Variants in SUN2 observed in about 807,000 individuals in gnomAD.
SUN2 encodes the protein SUN domain-containing protein 2.
SUN2 carries 60 observed loss-of-function variants against 100.0 expected under a neutral mutation model. That is an observed-to-expected ratio of 0.60 (90% CI 0.49 to 0.74). SUN2 has a LOEUF of 0.74. Ranked by LOEUF, SUN2 falls within the 30% of genes least tolerant of loss-of-function variation. The probability of loss-of-function intolerance (pLI) is 0.00; values close to 1 mark genes in which losing one functional copy is unlikely to be tolerated. For synonymous variants in SUN2, 367 were observed against 403.3 expected, an observed-to-expected ratio of 0.91 and a Z score of 1.08; for missense variants, 834 against 954.6, an observed-to-expected ratio of 0.87 and a Z score of 1.66.
rs1331389511 is a variant in SUN2 at position 38,755,456 on chromosome 22, AGGCGCTGCCC to A, written c.-38+297_-38+306del. On this transcript the variant is annotated intron_variant, in intron 1 of 17. Coordinates refer to ENST00000689035, the MANE Select transcript of SUN2 (RefSeq NM_015374.3). This position sits in a 1 kb window ranked among gnomAD's most constrained non-coding sequence, Gnocchi z 5.7. ...ACGGCCTGTCTGGCACAAAACCCGT[AGGCGCTGCCC>A]GGGGCCGGGTTGGGGCAGTCGGCCT... 3 of 990,372 alleles carry A rather than the reference AGGCGCTGCCC, an allele frequency of 3.0e-6. No homozygotes were observed. Among genetic ancestry groups the A allele is most frequent in the Non-Finnish European group, 3.6e-6 (3 of 832,448 alleles). 61.3% of individuals were successfully genotyped at this position (990,372 alleles called of 1,614,324 possible).
chr22:38,754,852 C>CCT, intron 1 of SUN2: 1 of 1,288,884 alleles, frequency 7.8e-7, no homozygotes. Flanking sequence ...CCCAGAGATG[C>CCT]CTCTCAGTCT....
At chr22:38,746,782 A>G (rs2092907001) in intron 7 of SUN2, among the ~76,000 whole-genome samples, 1 of 152,240 alleles carries the variant, frequency 6.6e-6, no homozygotes, top group East Asian at 1.9e-4. Context: ...CTGTAATCCC[A>G]GCACTTTGGG....
In SUN2 at chr22:38,752,614, G is replaced by T. The variant is rs1256540601; in HGVS notation, c.15C>A (p.Ser5Arg). ...CCTGGGAGTAGCGCGTGAGGCGCTG[G>T]CTTCTTCGGGACATGATGAGGTGGG... MSRR[S>R]QRLTRYSQGD... The change falls in exon 2 of 18, where the codon AGC becomes AGA. Residue 5 changes from serine (S) to arginine (R), a missense_variant. By Grantham distance (110) the Ser-to-Arg change is moderately radical. Coordinates refer to ENST00000689035, the MANE Select transcript of SUN2 (RefSeq NM_015374.3). 14 of 1,613,800 alleles carry T rather than the reference G, an allele frequency of 8.7e-6. No homozygotes were observed. The highest frequency in any genetic ancestry group is 1.2e-5 in the Non-Finnish European group (14 of 1,179,946).
At chr22:38,750,391 C>T in intron 4 of SUN2, 71 bp from the exon 5 acceptor site, 1 of 1,589,586 alleles carries the variant, frequency 6.3e-7, no homozygotes, top group South Asian at 1.1e-5. Context: ...CTTCTGTGAG[C>T]CAAGACCACA....
chr22:38,751,050 AC>A lies in SUN2; in HGVS notation c.287-16del, dbSNP rs761468714. 6 of 1,611,694 alleles carry A rather than the reference AC, an allele frequency of 3.7e-6. No homozygotes were observed. In the Admixed American group the frequency reaches 1.0e-4, roughly 27 times the overall value. Reference sequence around the variant, plus strand: ...CAGGTCCTCACCTGTGCAGGGAAGAACCAGGGGCTCTTCTGGGCCTCCAAGA... The same window carrying A: ...CAGGTCCTCACCTGTGCAGGGAAGAACAGGGGCTCTTCTGGGCCTCCAAGA... On this transcript the variant is annotated splice_polypyrimidine_tract_variant and intron_variant, in intron 3 of 17. Transcript: ENST00000689035.
chr22:38,746,102 ACAG>A (rs1297768429), intron 7 of SUN2, among the ~76,000 whole-genome samples: 4 of 152,260 alleles, frequency 2.6e-5, no homozygotes, highest in Non-Finnish European at 4.4e-5. Context: ...GATCCAGGGT[ACAG>A]CCCAGAGGAC....
rs149626068 is a variant in SUN2, at chr22:38,750,293, G to C, written c.452C>G (p.Ser151Cys). The change falls in exon 5 of 18, where the codon TCC becomes TGC. Residue 151 changes from serine to cysteine, a missense_variant. Physicochemically the swap from Ser to Cys is moderately radical, Grantham distance 112 (BLOSUM62 -1). This residue lies in a region of SUN2 where 559 missense variants were observed against 597.7 expected (regional missense o/e 0.94). Transcript: ENST00000689035. ...VGYSDVDQQS[S>C]SSRLRSAVSR... ...GACGGCGCTTCGGAGCCGCGAGCTG[G>C]AACTCTGCTGGTCCACATCCGAGTA... 23 of 1,613,852 alleles carry C rather than the reference G, an allele frequency of 1.4e-5. No homozygotes were observed. The highest frequency in any genetic ancestry group is 1.9e-5 in the Non-Finnish European group (22 of 1,180,012).
Position 38,752,425 on chromosome 22 carries a change from A to G in SUN2, c.122+82T>C, listed in dbSNP as rs191165007. 2.0e-4 allele frequency: 300 copies of G among 1,498,978 alleles called. No individual in the cohort carries two copies. In the African/African-American group the frequency reaches 3.4e-3, roughly 17 times the overall value. 92.9% of individuals were successfully genotyped at this position (1,498,978 alleles called of 1,614,324 possible). A position where few individuals can be genotyped will look rare whatever the true frequency, so the allele number is the denominator to read the frequency against. On this transcript the variant is annotated intron_variant, in intron 2 of 17. Transcript: ENST00000689035. ...AAGGTTGCAACAAGAAGGCAGGGGG[A>G]TGGCTGGACCACAGGGCGTGCGGGC...
rs1350369111 is a variant in SUN2, at chr22:38,755,125, CTCCA to C, written c.-38+634_-38+637del. On this transcript the variant is annotated intron_variant, in intron 1 of 17. Coordinates refer to ENST00000689035, the MANE Select transcript of SUN2 (RefSeq NM_015374.3). This position sits in a 1 kb window ranked among gnomAD's most constrained non-coding sequence, Gnocchi z 5.7. ...TTCCGCCCTTCCCCATCACAAACAT[CTCCA>C]TCCATCTTCAGACTTAAACCAGATC... 1.0e-6 allele frequency: 1 copy of C among 982,102 alleles called. No homozygotes were observed. Among genetic ancestry groups the C allele is most frequent in the African/African-American group, 1.7e-5 (1 of 58,254 alleles). 60.8% of individuals were successfully genotyped at this position (982,102 alleles called of 1,614,324 possible).
chr22:38,741,395 C>T lies in SUN2; in HGVS notation c.1146+99G>A. The T allele has an allele frequency of 9.5e-6, 12 of 1,268,672 alleles. 1 individual carries two copies. The South Asian group carries it at 1.1e-4, about 12-fold the overall frequency. 78.6% of individuals were successfully genotyped at this position (1,268,672 alleles called of 1,614,324 possible). On this transcript the variant is annotated intron_variant, in intron 10 of 17. Coordinates refer to ENST00000689035, the MANE Select transcript of SUN2 (RefSeq NM_015374.3). The stretch of plus-strand genomic sequence containing the variant: ...AGGGCACTCCCCTCCCCATGCAACA[C>T]CCAAACAGTCCCTTTGGAAGGGCCG...
Position 38,740,232 on chromosome 22 carries a change from G to T in SUN2, c.1356+35C>A. ...GACACGTCGTCTCAAAGGAGGAGGA[G>T]AGGGACCAGCAGGGCCCTGGTGGTT... On this transcript the variant is annotated intron_variant, in intron 12 of 17. Transcript: ENST00000689035. The surrounding 1 kb of genome is among the most constrained non-coding windows in gnomAD (Gnocchi z 4.8). The T allele has an allele frequency of 6.6e-7, 1 of 1,511,586 alleles. No individual in the cohort carries two copies. The highest frequency in any genetic ancestry group is 2.4e-5 in the East Asian group (1 of 42,100). The allele number at this position is 1,511,586 out of a possible 1,614,324, so 93.6% of individuals were successfully genotyped here. A position where few individuals can be genotyped will look rare whatever the true frequency, so the allele number is the denominator to read the frequency against.
intron 5 of SUN2, 103 bp from the exon 6 acceptor site, chr22:38,749,962 C>A (rs922501064): frequency 8.6e-7 from 1 of 1,169,070 alleles, no homozygotes; most frequent in African/African-American, 1.5e-5. Flanking sequence ...CCCCCACCTG[C>A]CAGTATGCCT....
rs762795807 is a variant in SUN2, at chr22:38,742,346, A to G, written c.1023T>C (p.Ala341=). ...CCCTGCGGAAATCCTCCTTCAGGGC[A>G]GCTTCACGGCGGCTCACTAGCCCCT... The part of the protein sequence containing the change: ...LLEGLVSRRE[A]ALKEDFRRET... The change falls in exon 9 of 18, where the codon GCT becomes GCC. Residue 341 remains alanine (A), a synonymous_variant. Transcript: ENST00000689035. 5 of 1,609,750 alleles carry G rather than the reference A, an allele frequency of 3.1e-6. No individual in the cohort carries two copies. In the Middle Eastern group the frequency reaches 8.3e-4, roughly 266 times the overall value.
chr22:38,740,221 A>G lies in SUN2; in HGVS notation c.1356+46T>C, dbSNP rs1569296410. The G allele has an allele frequency of 6.7e-7, 1 of 1,494,838 alleles. No individual in the cohort carries two copies. The highest frequency in any genetic ancestry group is 2.3e-5 in the Admixed American group (1 of 44,320). 92.6% of individuals were successfully genotyped at this position (1,494,838 alleles called of 1,614,324 possible). A position where few individuals can be genotyped will look rare whatever the true frequency, so the allele number is the denominator to read the frequency against. On this transcript the variant is annotated intron_variant, in intron 12 of 17. Transcript: ENST00000689035. This position sits in a 1 kb window ranked among gnomAD's most constrained non-coding sequence, Gnocchi z 4.8. Reference sequence around the variant, plus strand: ...GCAGGCCCCAGGACACGTCGTCTCAAAGGAGGAGGAGAGGGACCAGCAGGG... The same window carrying G: ...GCAGGCCCCAGGACACGTCGTCTCAGAGGAGGAGGAGAGGGACCAGCAGGG...
At position 38,752,614 on chromosome 22, in the gene SUN2, G is replaced by A; in HGVS notation, c.15C>T (p.Ser5=). Residue 5 remains serine (S), a synonymous_variant, in exon 2 of 18, where the codon AGC becomes AGT. Transcript: ENST00000689035. MSRR[S]QRLTRYSQGD... ...CCTGGGAGTAGCGCGTGAGGCGCTG[G>A]CTTCTTCGGGACATGATGAGGTGGG... 6.2e-7 allele frequency: 1 copy of A among 1,613,802 alleles called. No individual in the cohort carries two copies. The highest frequency in any genetic ancestry group is 8.5e-7 in the Non-Finnish European group (1 of 1,179,946).
rs2092827709 is a variant in SUN2 at position 38,738,618 on chromosome 22, A to G, written c.1916T>C (p.Ile639Thr). 6.2e-7 allele frequency: 1 copy of G among 1,613,878 alleles called. No homozygotes were observed. Among genetic ancestry groups the G allele is most frequent in the South Asian group, 1.1e-5 (1 of 91,080 alleles). Residue 639 changes from isoleucine (I) to threonine (T), a missense_variant, in exon 16 of 18, where the codon ATC becomes ACC. Ile to Thr is a moderately conservative substitution (Grantham distance 89). Around this residue, in one of 3 missense-constraint regions of SUN2, gnomAD observed 195 missense variants for 280.2 expected, o/e 0.70. Coordinates refer to ENST00000689035, the MANE Select transcript of SUN2 (RefSeq NM_015374.3). This position sits in a 1 kb window ranked among gnomAD's most constrained non-coding sequence, Gnocchi z 6.6. ...VPKALSPNSTISSAPKDFAIF... is the reference protein window; with the variant it reads ...VPKALSPNSTTSSAPKDFAIF... ...GGCGAAGTCCTTGGGGGCACTGGAG[A>G]TAGTGCTGTTGGGTGACAAGGCCTT...
chr22:38,751,535 C>A, intron 2 of SUN2, 162 bp from the exon 3 acceptor site: 1 of 679,726 alleles, frequency 1.5e-6, no homozygotes, highest in South Asian at 1.9e-5. Flanking sequence ...CCAATGCTGG[C>A]ACGTCCTCTC....
chr22:38,751,001 C>T lies in SUN2; in HGVS notation c.321G>A (p.Thr107=), dbSNP rs753288054. ...EDLRVRRRRG[T]GGSESSRASG... Reference sequence around the variant, plus strand: ...TGGCCCTGCTGCTCTCTGAGCCACCCGTGCCTCTCCTCCTCCGCACCCGCA... The same window carrying T: ...TGGCCCTGCTGCTCTCTGAGCCACCTGTGCCTCTCCTCCTCCGCACCCGCA... Residue 107 remains threonine, a synonymous_variant, in exon 4 of 18, where the codon ACG becomes ACA. Transcript: ENST00000689035. The T allele has an allele frequency of 1.1e-5, 17 of 1,613,644 alleles. No homozygotes were observed. Among genetic ancestry groups the T allele is most frequent in the Middle Eastern group, 3.3e-4 (2 of 6,050 alleles).
In SUN2 at chr22:38,736,359, G is replaced by T. The variant is rs1439214447; in HGVS notation, c.2062C>A (p.Gln688Lys). The stretch of plus-strand genomic sequence containing the variant: ...GTCAGGATCCGCAGCTCCACCACCT[G>T]GTACGTGGCCATCGTAGGGGCCTGG... Reference protein sequence around the residue: ...HFQAPTMATYQVVELRILTNW... With the variant: ...HFQAPTMATYKVVELRILTNW... The change falls in exon 18 of 18, where the codon CAG becomes AAG. Residue 688 changes from glutamine to lysine, a missense_variant. Physicochemically the swap from Gln to Lys is moderately conservative, Grantham distance 53 (BLOSUM62 1). Around this residue, in one of 3 missense-constraint regions of SUN2, gnomAD observed 80 missense variants for 76.7 expected, o/e 1.04. Coordinates refer to ENST00000689035, the MANE Select transcript of SUN2 (RefSeq NM_015374.3). 3 of 1,613,844 alleles carry T rather than the reference G, an allele frequency of 1.9e-6. No homozygotes were observed. Among genetic ancestry groups the T allele is most frequent in the Middle Eastern group, 1.7e-4 (1 of 6,058 alleles).
Sources: allele counts gnomAD v4.1 joint callset (sites outside exome capture counted in the v4.1 genomes callset), GRCh38; gene constraint gnomAD v4.1.1; regional missense constraint gnomAD v4.1.1; non-coding constraint Gnocchi (gnomAD v3.1); transcripts MANE v1.5; gene names NCBI Gene and HGNC (gene_info 2026-07-23, HGNC 2026-07-21).